The following CCDC88C variants were observed in gnomAD, a reference collection of about 807,000 sequenced individuals.
CCDC88C encodes the protein protein Daple.
CCDC88C carries 131 observed loss-of-function variants against 198.8 expected under a neutral mutation model. The ratio of observed to expected loss-of-function variants is 0.66; its 90% confidence interval spans 0.57 to 0.76. CCDC88C has a LOEUF of 0.76. Among genes scored for constraint, CCDC88C ranks in the 30% least tolerant of loss-of-function variants. CCDC88C has a pLI of 0.00. For missense variants in CCDC88C, 2,553 were observed against 2,631.6 expected (o/e 0.97, Z 0.65); for synonymous variants, 1,166 against 1,114.7 (o/e 1.05, Z -0.92).
intron 2 of CCDC88C, 149 bp downstream of exon 2, chr14:91,416,589 C>A: frequency 1.5e-6 from 1 of 673,814 alleles, no homozygotes; most frequent in Non-Finnish European, 2.7e-6. Context: ...GTCCAACAGG[C>A]ACGTTAATAC....
intron 3 of CCDC88C, among the ~76,000 whole-genome samples, chr14:91,404,263 G>T (rs942896297): frequency 6.6e-6 from 1 of 152,094 alleles, no homozygotes; most frequent in Non-Finnish European, 1.5e-5. Flanking sequence ...TGCTCCCTCT[G>T]GTAACCGCAT....
Position 91,380,031 on chromosome 14 carries a change from C to T in CCDC88C, c.271-20320G>A, listed in dbSNP as rs146317043. ...ACCAACTCCACGCTGAAGGTCCTTT[C>T]TCCTTACAGGGGTGTCTCCCTTGCC... is the stretch of plus-strand genomic sequence containing the variant. On this transcript the variant is annotated intron_variant, in intron 3 of 29. Transcript: ENST00000389857. 1,011 of 635,612 alleles carry T rather than the reference C, an allele frequency of 1.6e-3. 5 individuals are homozygous for T. The highest frequency in any genetic ancestry group is 0.015 in the African/African-American group (820 of 54,956). 39.4% of individuals were successfully genotyped at this position (635,612 alleles called of 1,614,324 possible).
intron 4 of CCDC88C, among the ~76,000 whole-genome samples, chr14:91,347,928 C>T (rs1376769911): frequency 6.6e-6 from 1 of 152,160 alleles, no homozygotes; most frequent in African/African-American, 2.4e-5. Context: ...AGACTTGGAA[C>T]CAACCTAAAT....
intron 10 of CCDC88C, among the ~76,000 whole-genome samples, chr14:91,337,446 C>A (rs1893094407): frequency 6.6e-6 from 1 of 152,184 alleles, no homozygotes; most frequent in Non-Finnish European, 1.5e-5. Flanking sequence ...TTCAAGCAAT[C>A]CTCCTGCCTC....
At chr14:91,301,130 C>A (rs1891260440) in intron 20 of CCDC88C, among the ~76,000 whole-genome samples, 1 of 151,938 alleles carries the variant, frequency 6.6e-6, no homozygotes, top group Non-Finnish European at 1.5e-5. Context: ...CCACTGAATC[C>A]CCGTGTGAGG....
rs1385920165 is a variant in CCDC88C at position 91,400,446 on chromosome 14, C to T, written c.270+8213G>A. Among the ~76,000 whole-genome samples the T allele has an allele frequency of 5.3e-5, 8 of 152,338 alleles. No homozygotes were observed. The South Asian group carries it at 8.3e-4, about 16-fold the overall frequency. On this transcript the variant is annotated intron_variant, in intron 3 of 29. Transcript: ENST00000389857. ...TCACATGGAAGCTGACTGTGACCTC[C>T]GGATGGTTGGGTCCACAAAAGCTCC... is the stretch of plus-strand genomic sequence containing the variant.
rs550284838 is a variant in CCDC88C, at chr14:91,302,070, G to T, written c.3635+1631C>A. ...GATCTGGATGGATAAAAGGGGTGAA[G>T]AACTCCAGATAGAGACAAAAAGGAA... is the stretch of plus-strand genomic sequence containing the variant. On this transcript the variant is annotated intron_variant, in intron 20 of 29. Transcript: ENST00000389857. Among the ~76,000 whole-genome samples the T allele has an allele frequency of 2.0e-5, 3 of 152,172 alleles. No individual in the cohort carries two copies. The South Asian group carries it at 6.2e-4, about 31-fold the overall frequency.
chr14:91,374,822 A>C (rs566564212), intron 3 of CCDC88C, among the ~76,000 whole-genome samples: 1 of 152,344 alleles, frequency 6.6e-6, no homozygotes, highest in East Asian at 1.9e-4. Flanking sequence ...TTCCAGGCAC[A>C]GATGACTGGT....
At chr14:91,347,463 G>C (rs17127263) in intron 4 of CCDC88C, among the ~76,000 whole-genome samples, 2,789 of 152,138 alleles carry the variant, frequency 0.018, 101 homozygotes, top group African/African-American at 0.063. Flanking sequence ...CTCTGAGGCC[G>C]GGTGAACTCA....
chr14:91,404,702 G>A (rs922304097), intron 3 of CCDC88C, among the ~76,000 whole-genome samples: 3 of 152,232 alleles, frequency 2.0e-5, no homozygotes, highest in Admixed American at 2.0e-4. Flanking sequence ...GGTGGCTCAC[G>A]CCTGTAATCC....
At chr14:91,335,007 A>G (rs1567082980) in intron 10 of CCDC88C, among the ~76,000 whole-genome samples, 1 of 152,198 alleles carries the variant, frequency 6.6e-6, no homozygotes, top group Non-Finnish European at 1.5e-5. Context: ...GGGGTCTCCA[A>G]TGCAGCAGAG....
intron 3 of CCDC88C, among the ~76,000 whole-genome samples, chr14:91,362,913 A>C (rs959036517): frequency 3.7e-4 from 56 of 151,022 alleles, no homozygotes; most frequent in African/African-American, 1.2e-3. Flanking sequence ...TGGGTGACAG[A>C]GCGAGACTCC....
intron 20 of CCDC88C, 64 bp from the exon 21 acceptor site, chr14:91,300,134 A>G: frequency 6.4e-7 from 1 of 1,556,944 alleles, no homozygotes; most frequent in South Asian, 1.2e-5. Flanking sequence ...GGTAACTCAC[A>G]TCCCAGAGGA....
intron 2 of CCDC88C, among the ~76,000 whole-genome samples, chr14:91,412,705 C>G (rs71428756): frequency 0.092 from 14,036 of 152,094 alleles, 820 homozygotes; most frequent in Middle Eastern, 0.2. Context: ...AAAGTGCTGG[C>G]ATTACAGGCG....
chr14:91,360,364 C>G (rs28561869), intron 3 of CCDC88C, among the ~76,000 whole-genome samples: 45,097 of 151,602 alleles, frequency 0.3, 6,895 homozygotes, highest in Non-Finnish European at 0.34. Flanking sequence ...GGAACAATCG[C>G]TTGAACCTGG....
chr14:91,408,523 T>G (rs1424289078), intron 3 of CCDC88C, 136 bp downstream of exon 3: 1 of 670,638 alleles, frequency 1.5e-6, no homozygotes, highest in Non-Finnish European at 2.8e-6. Flanking sequence ...AGGGTTCACA[T>G]GAAAGCAGAC....
At chr14:91,294,128 G>A (rs369724158) in intron 23 of CCDC88C, 45 bp downstream of exon 23, 493 of 1,608,168 alleles carry the variant, frequency 3.1e-4, no homozygotes, top group Non-Finnish European at 3.9e-4. Context: ...AGGATGTGCA[G>A]CTGTGGTGAG....
intron 3 of CCDC88C, among the ~76,000 whole-genome samples, chr14:91,388,425 T>A (rs1887587978): frequency 6.6e-6 from 1 of 152,150 alleles, no homozygotes; most frequent in Non-Finnish European, 1.5e-5. Context: ...CCTCCAGGCC[T>A]CAGGTGCTCA....
At chr14:91,308,938 A>G (rs1193193756) in intron 16 of CCDC88C, among the ~76,000 whole-genome samples, 1 of 152,230 alleles carries the variant, frequency 6.6e-6, no homozygotes, top group Non-Finnish European at 1.5e-5. Flanking sequence ...CCCAAAAAAC[A>G]AGATCAGGCC....
Sources: allele counts gnomAD v4.1 joint callset (sites outside exome capture counted in the v4.1 genomes callset), GRCh38; gene constraint gnomAD v4.1.1; transcripts MANE v1.5; gene names NCBI Gene and HGNC (gene_info 2026-07-23, HGNC 2026-07-21).